The following ST13 variants were observed in gnomAD, a reference collection of about 807,000 sequenced individuals.
ST13 encodes hsc70-interacting protein.
A neutral mutation model predicts 56.7 loss-of-function variants in ST13; 23 were observed. The observed-to-expected ratio is 0.41, with a 90% CI of 0.29 to 0.57. The LOEUF (loss-of-function observed/expected upper bound fraction) is 0.57, where lower values mean the gene tolerates loss of function less well. Ranked by LOEUF, ST13 falls within the 20% of genes least tolerant of loss-of-function variation. ST13 has a pLI of 0.36. For synonymous variants in ST13, 132 were observed against 142.4 expected, an observed-to-expected ratio of 0.93 and a Z score of 0.52; for missense variants, 369 against 459.9, an observed-to-expected ratio of 0.80 and a Z score of 1.81.
rs2145728439 is a variant in ST13, at chr22:40,825,159, T to A, written c.*1379A>T. 1 of 152,194 alleles carries A rather than the reference T, an allele frequency of 6.6e-6. No homozygotes were observed. Among genetic ancestry groups the A allele is most frequent in the South Asian group, 2.1e-4 (1 of 4,830 alleles). The allele number at this position is 152,194 out of a possible 1,614,324, so 9.4% of individuals were successfully genotyped here. On this transcript the variant is annotated 3_prime_UTR_variant, in exon 12 of 12. Coordinates refer to ENST00000216218, the MANE Select transcript of ST13 (RefSeq NM_003932.5). The stretch of plus-strand genomic sequence containing the variant: ...AACAGAAAATTTATCATTTTCTTTA[T>A]CATTGGAGGGGAGGGAAAGAAAGCA...
At position 40,856,516 on chromosome 22, in the gene ST13, G is replaced by A. The variant is rs767421665; in HGVS notation, c.25C>T (p.Leu9Phe). Residue 9 changes from leucine to phenylalanine, a missense_variant, in exon 1 of 12, where the codon CTT (leucine) becomes TTT (phenylalanine). Physicochemically the swap from Leu to Phe is conservative, Grantham distance 22. Around this residue, in one of 3 missense-constraint regions of ST13, gnomAD observed 169 missense variants for 175.6 expected, o/e 0.96. Coordinates refer to ENST00000216218, the MANE Select transcript of ST13 (RefSeq NM_003932.5). ...TTACACATTTTCACAAAGGCCCGAA[G>A]CTCGTTCACTTTGCGGGGGTCCATG... The part of the protein sequence containing the change: MDPRKVNE[L>F]RAFVKMCKQD... The A allele has an allele frequency of 6.2e-7, 1 of 1,612,810 alleles. No individual in the cohort carries two copies. Among genetic ancestry groups the A allele is most frequent in the African/African-American group, 1.3e-5 (1 of 74,862 alleles).
intron 5 of ST13, 131 bp downstream of exon 5, chr22:40,840,495 A>C: frequency 1.4e-6 from 1 of 702,842 alleles, no homozygotes; most frequent in East Asian, 3.0e-5. Context: ...GGAAGGGGTG[A>C]CTGGATAATA....
intron 1 of ST13, among the ~76,000 whole-genome samples, chr22:40,851,573 A>C (rs925224509): frequency 5.9e-5 from 9 of 152,176 alleles, no homozygotes; most frequent in Admixed American, 3.9e-4. Flanking sequence ...CAGACCCTAT[A>C]GTATATGGGC....
At chr22:40,835,303 C>T (rs1290659016) in intron 7 of ST13, 5 of 285,874 alleles carry the variant, frequency 1.7e-5, no homozygotes, top group Non-Finnish European at 2.7e-5. Context: ...GTAAGAGTAG[C>T]TTTATTTGAA....
At chr22:40,839,154 G>A (rs911598571) in intron 5 of ST13, among the ~76,000 whole-genome samples, 7 of 152,076 alleles carry the variant, frequency 4.6e-5, no homozygotes. Context: ...AAACTATTAA[G>A]GCAACTGCAG....
At position 40,853,846 on chromosome 22, in the gene ST13, C is replaced by G. The variant is rs115111335; in HGVS notation, c.110+2585G>C. Among the ~76,000 whole-genome samples the G allele has an allele frequency of 3.3e-5, 5 of 152,224 alleles. No homozygotes were observed. In the East Asian group the frequency reaches 9.6e-4, roughly 29 times the overall value. ...TCAAGTAAAGCCATGAAACCACATA[C>G]AAGATACTAAATTGTTAAACGGGAG... is the stretch of plus-strand genomic sequence containing the variant. On this transcript the variant is annotated intron_variant, in intron 1 of 11. Coordinates refer to ENST00000216218, the MANE Select transcript of ST13 (RefSeq NM_003932.5).
At chr22:40,826,802 A>G (rs1441801860) in intron 11 of ST13, 136 bp from the exon 12 acceptor site, 4 of 1,047,842 alleles carry the variant, frequency 3.8e-6, no homozygotes, top group African/African-American at 1.6e-5. Flanking sequence ...GAGTGCTTGA[A>G]GTATCAAAAT....
intron 3 of ST13, among the ~76,000 whole-genome samples, chr22:40,846,599 A>C (rs879540539): frequency 3.9e-5 from 6 of 152,250 alleles, no homozygotes; most frequent in Non-Finnish European, 5.9e-5. Flanking sequence ...AAACTGGTAG[A>C]AAGTAAGACT....
At chr22:40,835,496 A>T (rs1301478835) in intron 7 of ST13, 64 bp downstream of exon 7, 1 of 1,396,946 alleles carries the variant, frequency 7.2e-7, no homozygotes, top group Non-Finnish European at 1.0e-6. Context: ...GTTTAAACAA[A>T]GCATCTTAAA....
In ST13 at chr22:40,840,725, G is replaced by A. The variant is rs200153328; in HGVS notation, c.316-33C>T. On this transcript the variant is annotated intron_variant, in intron 4 of 11. Coordinates refer to ENST00000216218, the MANE Select transcript of ST13 (RefSeq NM_003932.5). ...GAAAATAAAAATCATCTTAGAATTA[G>A]TAGAGAGAGAGAGAAGGAAGCAATT... The A allele has an allele frequency of 3.8e-6, 6 of 1,572,166 alleles. No individual in the cohort carries two copies. The Admixed American group carries it at 1.1e-4, about 28-fold the overall frequency.
At chr22:40,853,172 C>G (rs1023176843) in intron 1 of ST13, among the ~76,000 whole-genome samples, 1 of 152,102 alleles carries the variant, frequency 6.6e-6, no homozygotes, top group African/African-American at 2.4e-5. Context: ...GATTAGATAG[C>G]ATAAATGCAT....
At chr22:40,846,787 GT>G (rs759753897) in intron 3 of ST13, among the ~76,000 whole-genome samples, 6 of 152,158 alleles carry the variant, frequency 3.9e-5, no homozygotes, top group Non-Finnish European at 8.8e-5. Flanking sequence ...GAGGTCAGGA[GT>G]TTGAGACCAG....
chr22:40,839,415 C>T (rs749790869), intron 5 of ST13, among the ~76,000 whole-genome samples: 3 of 152,108 alleles, frequency 2.0e-5, no homozygotes, highest in South Asian at 2.1e-4. Flanking sequence ...AGCCACAGTA[C>T]CCAAGTTTAT....
At chr22:40,845,580 A>G (rs926256209) in intron 3 of ST13, among the ~76,000 whole-genome samples, 3 of 152,318 alleles carry the variant, frequency 2.0e-5, no homozygotes, top group African/African-American at 7.2e-5. Context: ...TTTAGTTTCC[A>G]TATGTACAGT....
At chr22:40,842,916 C>T (rs1353430258) in intron 4 of ST13, among the ~76,000 whole-genome samples, 3 of 152,050 alleles carry the variant, frequency 2.0e-5, no homozygotes, top group African/African-American at 4.8e-5. Flanking sequence ...CTCTGGAAGG[C>T]CAGGAGTTTG....
rs1258426127 is a variant in ST13 at position 40,844,789 on chromosome 22, G to T, written c.315+50C>A. The T allele has an allele frequency of 7.0e-6, 10 of 1,430,022 alleles. No homozygotes were observed. The African/African-American group carries it at 1.3e-4, about 18-fold the overall frequency. The allele number at this position is 1,430,022 out of a possible 1,614,324, so 88.6% of individuals were successfully genotyped here. A position where few individuals can be genotyped will look rare whatever the true frequency, so the allele number is the denominator to read the frequency against. On this transcript the variant is annotated intron_variant, in intron 4 of 11. Coordinates refer to ENST00000216218, the MANE Select transcript of ST13 (RefSeq NM_003932.5). The stretch of plus-strand genomic sequence containing the variant: ...TGTCATAAAATCATTGCAACAGCAG[G>T]ACCTTTCACATTTCTTAGAACAAGC...
intron 7 of ST13, among the ~76,000 whole-genome samples, chr22:40,834,598 A>G (rs1403468069): frequency 2.0e-5 from 3 of 152,234 alleles, no homozygotes; most frequent in African/African-American, 4.8e-5. Flanking sequence ...AAACGACAGT[A>G]CATACCAGAA....
At chr22:40,832,333 C>T in intron 8 of ST13, 2 of 525,184 alleles carry the variant, frequency 3.8e-6, no homozygotes, top group Non-Finnish European at 7.1e-6. Flanking sequence ...GTTATAATTC[C>T]ACTGCAGGCT....
At chr22:40,833,190 G>A (rs1436896816) in intron 7 of ST13, among the ~76,000 whole-genome samples, 1 of 152,132 alleles carries the variant, frequency 6.6e-6, no homozygotes, top group Non-Finnish European at 1.5e-5. Context: ...GTAACTCTTC[G>A]AACATTTAAA....
Sources: allele counts gnomAD v4.1 joint callset (sites outside exome capture counted in the v4.1 genomes callset), GRCh38; gene constraint gnomAD v4.1.1; regional missense constraint gnomAD v4.1.1; transcripts MANE v1.5; gene names NCBI Gene and HGNC (gene_info 2026-07-23, HGNC 2026-07-21).